The following NRP1 variants were observed in gnomAD, a reference collection of about 807,000 sequenced individuals.
The protein encoded by NRP1 is neuropilin-1.
A neutral mutation model predicts 106.7 loss-of-function variants in NRP1; 35 were observed. The ratio of observed to expected loss-of-function variants is 0.33; its 90% CI spans 0.25 to 0.43. The LOEUF is 0.43. Ranked by LOEUF, NRP1 falls within the 20% of genes least tolerant of loss-of-function variation. The probability of loss-of-function intolerance (pLI) is 1.00; values close to 1 mark genes in which losing one functional copy is unlikely to be tolerated. For synonymous variants in NRP1, 437 were observed against 417.9 expected (o/e 1.05, Z -0.56); for missense variants, 1,024 against 1,170.4 (o/e 0.87, Z 1.83).
chr10:33,234,081 G>A (rs1037246646), intron 6 of NRP1, among the ~76,000 whole-genome samples: 3 of 152,084 alleles, frequency 2.0e-5, no homozygotes, highest in Non-Finnish European at 4.4e-5. Context: ...CCCTATGGTG[G>A]TATTACCTAG....
Position 33,213,026 on chromosome 10 carries a change from T to C in NRP1, c.1614+360A>G, listed in dbSNP as rs868365333. 6.9e-5 allele frequency: 38 copies of C among 554,492 alleles called. No homozygotes were observed. The Middle Eastern group carries it at 2.0e-3, about 29-fold the overall frequency. The allele number at this position is 554,492 out of a possible 1,614,324, so 34.3% of individuals were successfully genotyped here. A position where few individuals can be genotyped will look rare whatever the true frequency, so the allele number is the denominator to read the frequency against. ...ACTTAAACTAGGGGTAGGTTTGAGATGGGGGGAGGGCAGACCCAAACGACT... is the reference window on the plus strand; with the variant it reads ...ACTTAAACTAGGGGTAGGTTTGAGACGGGGGGAGGGCAGACCCAAACGACT... On this transcript the variant is annotated intron_variant, in intron 9 of 16. Transcript: ENST00000374867.
chr10:33,206,734 T>G (rs1435030267), intron 10 of NRP1, among the ~76,000 whole-genome samples: 1 of 152,170 alleles, frequency 6.6e-6, no homozygotes, highest in Non-Finnish European at 1.5e-5. Flanking sequence ...CTGGTGTAGG[T>G]TACTCAGTTA....
At chr10:33,272,328 T>A (rs1355917651) in intron 2 of NRP1, among the ~76,000 whole-genome samples, 1 of 152,232 alleles carries the variant, frequency 6.6e-6, no homozygotes, top group African/African-American at 2.4e-5. Flanking sequence ...TGAATTATTG[T>A]ATTAACTGCA....
In NRP1 at chr10:33,195,316, T is replaced by TA. The variant is rs1291664335; in HGVS notation, c.1924+2333dup. 8 of 354,270 alleles carry TA rather than the reference T, an allele frequency of 2.3e-5. No homozygotes were observed. In the East Asian group the frequency reaches 4.4e-4, roughly 20 times the overall value. The allele number at this position is 354,270 out of a possible 1,614,324, so 21.9% of individuals were successfully genotyped here. A position where few individuals can be genotyped will look rare whatever the true frequency, so the allele number is the denominator to read the frequency against. On this transcript the variant is annotated intron_variant, in intron 12 of 16. Coordinates refer to ENST00000374867, the MANE Select transcript of NRP1 (RefSeq NM_003873.7). ...GAATGCTGGAGGAGCCTCAGAGGGT[T>TA]AGAGCTCTCGCCAGAGAGAGCTAGA...
intron 2 of NRP1, among the ~76,000 whole-genome samples, chr10:33,320,348 C>T (rs1216813368): frequency 1.3e-5 from 2 of 151,346 alleles, no homozygotes; most frequent in South Asian, 4.2e-4. Flanking sequence ...GGGACCCAGT[C>T]TCTCTCCAGA....
intron 1 of NRP1, 91 bp downstream of exon 1, chr10:33,334,219 G>T: frequency 8.4e-7 from 1 of 1,196,176 alleles, no homozygotes; most frequent in Non-Finnish European, 1.2e-6. Context: ...GTTCCCGGCT[G>T]ATCCCGGGAA....
At chr10:33,219,966 T>C (rs554183088) in intron 8 of NRP1, among the ~76,000 whole-genome samples, 14 of 152,358 alleles carry the variant, frequency 9.2e-5, no homozygotes, top group Non-Finnish European at 1.9e-4. Flanking sequence ...GTCATCTAAC[T>C]GCTGATCAAA....
chr10:33,207,434 A>T, intron 10 of NRP1, 138 bp downstream of exon 10: 2 of 847,752 alleles, frequency 2.4e-6, no homozygotes, highest in Non-Finnish European at 3.7e-6. Flanking sequence ...TTTGAGTCTC[A>T]CTGATGGGCA....
Position 33,182,738 on chromosome 10 carries a change from G to T in NRP1, c.2442C>A (p.Asp814Glu), listed in dbSNP as rs1835764567. 4 of 1,612,484 alleles carry T rather than the reference G, an allele frequency of 2.5e-6. No homozygotes were observed. In the South Asian group the frequency reaches 4.4e-5, roughly 18 times the overall value. The change falls in exon 16 of 17, where the codon GAC (aspartate) becomes GAA (glutamate). Residue 814 changes from aspartate (D) to glutamate (E), a missense_variant. Coordinates refer to ENST00000374867, the MANE Select transcript of NRP1 (RefSeq NM_003873.7). Reference protein sequence around the residue: ...ISQEDCAKPADLDKKNPEIKI... With the variant: ...ISQEDCAKPAELDKKNPEIKI... Reference sequence around the variant, plus strand: ...TAATTTCTGGGTTCTTTTTATCCAGGTCTGCTGGTTCTGACAAGTCAAACA... The same window carrying T: ...TAATTTCTGGGTTCTTTTTATCCAGTTCTGCTGGTTCTGACAAGTCAAACA...
intron 10 of NRP1, among the ~76,000 whole-genome samples, chr10:33,205,105 T>C (rs529363646): frequency 2.9e-4 from 44 of 152,344 alleles, no homozygotes; most frequent in African/African-American, 1.0e-3. Flanking sequence ...TGGAGTGGAC[T>C]GCATCTTTCT....
intron 6 of NRP1, among the ~76,000 whole-genome samples, chr10:33,246,354 C>A (rs1379963615): frequency 1.3e-5 from 2 of 152,090 alleles, no homozygotes; most frequent in South Asian, 2.1e-4. Context: ...CCTCAGGACA[C>A]TGTAGATTAT....
At chr10:33,215,209 A>G (rs1210908350) in intron 8 of NRP1, among the ~76,000 whole-genome samples, 1 of 152,162 alleles carries the variant, frequency 6.6e-6, no homozygotes, top group Non-Finnish European at 1.5e-5. Flanking sequence ...TACAGTCTAG[A>G]CGTCATCCTC....
At chr10:33,215,583 G>T (rs887798170) in intron 8 of NRP1, among the ~76,000 whole-genome samples, 1 of 152,160 alleles carries the variant, frequency 6.6e-6, no homozygotes, top group African/African-American at 2.4e-5. Context: ...ACATGTGCAA[G>T]AATGATAACC....
chr10:33,217,089 C>T (rs1249027208), intron 8 of NRP1, among the ~76,000 whole-genome samples: 1 of 152,048 alleles, frequency 6.6e-6, no homozygotes, highest in African/African-American at 2.4e-5. Context: ...AAATAGAGTG[C>T]CATTTTTTGG....
intron 6 of NRP1, among the ~76,000 whole-genome samples, chr10:33,239,391 C>T (rs906734137): frequency 9.2e-5 from 14 of 152,060 alleles, no homozygotes; most frequent in African/African-American, 2.7e-4. Context: ...AATTTAAATT[C>T]GATGTTATGT....
intron 9 of NRP1, among the ~76,000 whole-genome samples, chr10:33,210,556 A>C (rs1407453272): frequency 6.6e-6 from 1 of 152,232 alleles, no homozygotes; most frequent in Non-Finnish European, 1.5e-5. Context: ...TGATATAATA[A>C]ACTTACTTAT....
intron 12 of NRP1, among the ~76,000 whole-genome samples, chr10:33,193,365 T>A (rs1412173925): frequency 6.6e-6 from 1 of 152,238 alleles, no homozygotes; most frequent in African/African-American, 2.4e-5. Flanking sequence ...GACTGTTGTT[T>A]TGGTAAACAT....
At chr10:33,208,899 CTTT>C (rs11310131) in intron 9 of NRP1, among the ~76,000 whole-genome samples, 97 of 85,260 alleles carry the variant, frequency 1.1e-3, no homozygotes, top group African/African-American at 4.5e-3. Flanking sequence ...TTAGAGCAGC[CTTT>C]TTTTTTTTTT....
chr10:33,254,011 G>A lies in NRP1; in HGVS notation c.981+17C>T. 1 of 1,590,974 alleles carries A rather than the reference G, an allele frequency of 6.3e-7. No homozygotes were observed. Among genetic ancestry groups the A allele is most frequent in the Non-Finnish European group, 8.5e-7 (1 of 1,172,734 alleles). On this transcript the variant is annotated intron_variant, in intron 6 of 16. Coordinates refer to ENST00000374867, the MANE Select transcript of NRP1 (RefSeq NM_003873.7). ...AACTTATTCAATCCTAGATAGGCTT[G>A]ATCTTATGCTGCATACCTGTATCCA...
Sources: allele counts gnomAD v4.1 joint callset (sites outside exome capture counted in the v4.1 genomes callset), GRCh38; gene constraint gnomAD v4.1.1; transcripts MANE v1.5; gene names NCBI Gene and HGNC (gene_info 2026-07-23, HGNC 2026-07-21).